Variants in LTBP1 observed in about 807,000 individuals in gnomAD.
The protein encoded by LTBP1 is latent-transforming growth factor beta-binding protein 1.
LTBP1 carries 129 observed loss-of-function variants against 207.6 expected under a neutral mutation model. The observed-to-expected ratio is 0.62, with a 90% CI of 0.54 to 0.72. LTBP1 has a LOEUF of 0.72. Among genes scored for constraint, LTBP1 ranks in the 30% least tolerant of loss-of-function variants. The pLI, the probability that LTBP1 is intolerant of heterozygous loss-of-function variation, is 0.00. For synonymous variants in LTBP1, 963 were observed against 833.7 expected, an observed-to-expected ratio of 1.16 and a Z score of -2.67; for missense variants, 2,281 against 2,217.2, an observed-to-expected ratio of 1.03 and a Z score of -0.58.
chr2:33,270,416 C>A lies in LTBP1; in HGVS notation c.2618-3240C>A, dbSNP rs137929143. ...CATCCTGGTTAACACGATGAAACCC[C>A]GTCTCTACTAAAAATACAAAAAAAT... is the stretch of plus-strand genomic sequence containing the variant. On this transcript the variant is annotated intron_variant, in intron 15 of 33. Coordinates refer to ENST00000404816, the MANE Select transcript of LTBP1 (RefSeq NM_206943.4). Among the ~76,000 whole-genome samples the A allele has an allele frequency of 4.4e-4, 66 of 151,484 alleles. 2 individuals carry two copies. Among genetic ancestry groups the A allele is most frequent in the African/African-American group, 1.5e-3 (64 of 41,328 alleles).
chr2:32,972,837 G>A (rs1296026891), intron 2 of LTBP1, among the ~76,000 whole-genome samples: 1 of 152,096 alleles, frequency 6.6e-6, no homozygotes, highest in Non-Finnish European at 1.5e-5. Context: ...GTTTCCTGAG[G>A]CCTACCCAGT....
intron 19 of LTBP1, among the ~76,000 whole-genome samples, chr2:33,288,507 T>G (rs1446134338): frequency 6.6e-6 from 1 of 152,106 alleles, no homozygotes; most frequent in Admixed American, 6.5e-5. Context: ...TGTGGAGAAT[T>G]GATAGTTACC....
intron 18 of LTBP1, among the ~76,000 whole-genome samples, chr2:33,278,022 C>G (rs2093481668): frequency 1.3e-5 from 2 of 150,808 alleles, no homozygotes; most frequent in Non-Finnish European, 2.9e-5. Flanking sequence ...TTAGTAGAGA[C>G]AGGGTGTCAC....
intron 5 of LTBP1, among the ~76,000 whole-genome samples, chr2:33,164,132 C>CTT (rs1439922211): frequency 6.6e-6 from 1 of 151,306 alleles, no homozygotes; most frequent in East Asian, 1.9e-4. Flanking sequence ...GGGCAGATCA[C>CTT]GAGTTCAGGA....
chr2:33,351,686 A>G (rs2094783782), intron 26 of LTBP1, among the ~76,000 whole-genome samples: 2 of 152,138 alleles, frequency 1.3e-5, no homozygotes. Context: ...TAAACTCCTT[A>G]GTCTCATCCC....
rs182373720 is a variant in LTBP1, at chr2:33,024,487, A to G, written c.863+3281A>G. On this transcript the variant is annotated intron_variant, in intron 3 of 33. Coordinates refer to ENST00000404816, the MANE Select transcript of LTBP1 (RefSeq NM_206943.4). The stretch of plus-strand genomic sequence containing the variant: ...TTTGAGGAACAGCTAGTTTGGTAAA[A>G]TTGTAGTGTTAAAAGCACATATTTT... Among the ~76,000 whole-genome samples the G allele has an allele frequency of 4.4e-3, 667 of 152,312 alleles. 8 individuals carry two copies. Among genetic ancestry groups the G allele is most frequent in the African/African-American group, 0.015 (618 of 41,562 alleles).
intron 2 of LTBP1, among the ~76,000 whole-genome samples, chr2:32,971,002 T>TTGTGTGTGTGTG (rs56246215): frequency 5.6e-5 from 8 of 142,528 alleles, no homozygotes; most frequent in African/African-American, 2.1e-4. Flanking sequence ...TCCTAGGTAT[T>TTGTGTGTGTGTG]TGTGTGTGTG....
intron 2 of LTBP1, among the ~76,000 whole-genome samples, chr2:33,019,939 C>T (rs2075078084): frequency 6.7e-6 from 1 of 149,176 alleles, no homozygotes. Context: ...ATCTCAAACT[C>T]CTGGGCTCAA....
intron 16 of LTBP1, among the ~76,000 whole-genome samples, chr2:33,274,338 C>CTT (rs71912114): frequency 1.7e-4 from 25 of 146,930 alleles, no homozygotes; most frequent in South Asian, 4.3e-4. Flanking sequence ...TTTAATTTCT[C>CTT]TTTTTTTTTT....
chr2:33,067,700 G>A (rs2077587858), intron 3 of LTBP1, among the ~76,000 whole-genome samples: 1 of 152,100 alleles, frequency 6.6e-6, no homozygotes, highest in Admixed American at 6.5e-5. Context: ...TATACAAGAG[G>A]ATATGCATAG....
At chr2:33,128,348 A>G (rs986618196) in intron 4 of LTBP1, among the ~76,000 whole-genome samples, 9 of 152,264 alleles carry the variant, frequency 5.9e-5, no homozygotes, top group Non-Finnish European at 1.3e-4. Flanking sequence ...TAAAGAGCCT[A>G]TGCAAATTAG....
At chr2:33,361,857 A>G (rs966215915) in intron 28 of LTBP1, among the ~76,000 whole-genome samples, 4 of 152,182 alleles carry the variant, frequency 2.6e-5, no homozygotes, top group Non-Finnish European at 5.9e-5. Context: ...ATTTTATTCT[A>G]GATGCTTAAT....
At chr2:33,028,355 T>G (rs2075531887) in intron 3 of LTBP1, among the ~76,000 whole-genome samples, 1 of 152,186 alleles carries the variant, frequency 6.6e-6, no homozygotes, top group Admixed American at 6.5e-5. Flanking sequence ...TTTTGAGTGT[T>G]GTCTCATTTA....
At chr2:33,057,597 G>A (rs901614741) in intron 3 of LTBP1, among the ~76,000 whole-genome samples, 4 of 152,346 alleles carry the variant, frequency 2.6e-5, no homozygotes, top group Middle Eastern at 3.4e-3. Flanking sequence ...AAGGCCTGGC[G>A]AGAAATAGAG....
At chr2:33,363,794 T>C (rs75746714) in intron 29 of LTBP1, among the ~76,000 whole-genome samples, 6,253 of 152,312 alleles carry the variant, frequency 0.041, 140 homozygotes, top group Non-Finnish European at 0.054. Flanking sequence ...TCTTTTGGTC[T>C]GTGGAACATC....
intron 24 of LTBP1, among the ~76,000 whole-genome samples, chr2:33,319,014 C>T (rs775146849): frequency 1.8e-4 from 27 of 152,112 alleles, no homozygotes; most frequent in African/African-American, 6.3e-4. Context: ...ACGGAAGGAT[C>T]GCTTGAGCCC....
chr2:33,340,175 G>C (rs1052292965), intron 24 of LTBP1, among the ~76,000 whole-genome samples: 3 of 150,144 alleles, frequency 2.0e-5, no homozygotes, highest in Non-Finnish European at 4.4e-5. Context: ...GGAGAATGAC[G>C]TGAACCCAAT....
At chr2:33,261,835 T>G (rs3769536) in intron 13 of LTBP1, among the ~76,000 whole-genome samples, 56,020 of 151,946 alleles carry the variant, frequency 0.37, 10,678 homozygotes, top group African/African-American at 0.46. Flanking sequence ...AAGCAGAAAA[T>G]AGGTGATACT....
At chr2:33,254,501 A>G (rs1573448703) in intron 11 of LTBP1, among the ~76,000 whole-genome samples, 1 of 144,840 alleles carries the variant, frequency 6.9e-6, no homozygotes, top group East Asian at 2.1e-4. Flanking sequence ...TTTTGGTTAT[A>G]TGGTGATTTT....
Sources: allele counts gnomAD v4.1 joint callset (sites outside exome capture counted in the v4.1 genomes callset), GRCh38; gene constraint gnomAD v4.1.1; transcripts MANE v1.5; gene names NCBI Gene and HGNC (gene_info 2026-07-23, HGNC 2026-07-21).